The following STXBP5L variants were observed in gnomAD, a reference collection of about 807,000 sequenced individuals.
The protein encoded by STXBP5L is syntaxin binding protein 5L, also known as syntaxin-binding protein 5-like.
A neutral mutation model predicts 144.5 loss-of-function variants in STXBP5L; 65 were observed. The observed-to-expected ratio is 0.45, with a 90% CI of 0.37 to 0.55. STXBP5L has a LOEUF of 0.55. Ranked by LOEUF, STXBP5L falls within the 20% of genes least tolerant of loss-of-function variation. The probability of loss-of-function intolerance (pLI) is 0.00; values close to 1 mark genes in which losing one functional copy is unlikely to be tolerated. For synonymous variants in STXBP5L, 505 were observed against 469.6 expected (o/e 1.08, Z -0.97); for missense variants, 1,298 against 1,405.5 (o/e 0.92, Z 1.22).
chr3:121,084,822 T>C (rs1292088175), intron 5 of STXBP5L, among the ~76,000 whole-genome samples: 1 of 152,146 alleles, frequency 6.6e-6, no homozygotes, highest in African/African-American at 2.4e-5. Context: ...CTAATTTACA[T>C]TCCCACCAGC....
intron 18 of STXBP5L, among the ~76,000 whole-genome samples, chr3:121,270,684 C>T (rs2050709542): frequency 6.6e-6 from 1 of 152,130 alleles, no homozygotes; most frequent in South Asian, 2.1e-4. Context: ...AACTCCTGAC[C>T]TCATGTGATC....
chr3:121,132,507 T>C (rs1577032493), intron 7 of STXBP5L, among the ~76,000 whole-genome samples: 1 of 152,276 alleles, frequency 6.6e-6, no homozygotes, highest in East Asian at 1.9e-4. Context: ...AGAATCTCTG[T>C]CTAGGCCAAT....
intron 9 of STXBP5L, among the ~76,000 whole-genome samples, chr3:121,190,440 C>T (rs1214212755): frequency 6.6e-6 from 1 of 152,234 alleles, no homozygotes; most frequent in Non-Finnish European, 1.5e-5. Flanking sequence ...AATGGAGTCT[C>T]CTATGTCTAC....
chr3:120,978,824 G>T (rs186209602), intron 3 of STXBP5L, among the ~76,000 whole-genome samples: 11 of 152,324 alleles, frequency 7.2e-5, no homozygotes, highest in African/African-American at 2.4e-4. Context: ...GACCCTGTTT[G>T]CCTCGGTATC....
intron 3 of STXBP5L, among the ~76,000 whole-genome samples, chr3:120,963,318 T>A (rs756925045): frequency 2.6e-5 from 4 of 152,156 alleles, no homozygotes; most frequent in Non-Finnish European, 4.4e-5. Flanking sequence ...TTATGTTGAA[T>A]AGGAATAGTG....
chr3:121,007,748 A>G (rs550511232), intron 3 of STXBP5L, among the ~76,000 whole-genome samples: 2 of 152,110 alleles, frequency 1.3e-5, no homozygotes, highest in Admixed American at 1.3e-4. Flanking sequence ...TGAAGCTTGC[A>G]CTGCTTGTAG....
chr3:121,306,599 G>C (rs2043345233), intron 19 of STXBP5L, among the ~76,000 whole-genome samples: 1 of 152,140 alleles, frequency 6.6e-6, no homozygotes, highest in African/African-American at 2.4e-5. Context: ...AAAGTGACTA[G>C]CCTTATATGA....
intron 19 of STXBP5L, among the ~76,000 whole-genome samples, chr3:121,291,246 T>C (rs1201675714): frequency 6.6e-6 from 1 of 152,132 alleles, no homozygotes; most frequent in African/African-American, 2.4e-5. Context: ...AGCACTGCTA[T>C]ATACCAATAG....
At chr3:121,324,382 C>A (rs139556103) in intron 20 of STXBP5L, 5 of 549,204 alleles carry the variant, frequency 9.1e-6, no homozygotes, top group African/African-American at 5.8e-5. Flanking sequence ...ATACAAAATG[C>A]AGATCTTTCC....
At chr3:121,059,418 C>G (rs1006231444) in intron 5 of STXBP5L, among the ~76,000 whole-genome samples, 1 of 152,124 alleles carries the variant, frequency 6.6e-6, no homozygotes. Flanking sequence ...GTGCCTCCAG[C>G]TTTGTTCTTT....
chr3:121,347,615 G>C (rs1439219734), intron 20 of STXBP5L, among the ~76,000 whole-genome samples: 1 of 152,072 alleles, frequency 6.6e-6, no homozygotes, highest in Admixed American at 6.6e-5. Flanking sequence ...CCATTTCTTT[G>C]TATCCTCTTT....
chr3:121,031,793 G>T (rs541180106), intron 3 of STXBP5L, among the ~76,000 whole-genome samples: 12 of 152,236 alleles, frequency 7.9e-5, no homozygotes, highest in African/African-American at 2.9e-4. Flanking sequence ...AGATTTGATA[G>T]TAGCATTAAG....
intron 20 of STXBP5L, among the ~76,000 whole-genome samples, chr3:121,329,894 A>G (rs1292223386): frequency 7.0e-6 from 1 of 143,868 alleles, no homozygotes. Flanking sequence ...AGAAGAAACT[A>G]CTTGTCACAC....
chr3:121,068,219 A>C (rs1271478780), intron 5 of STXBP5L, among the ~76,000 whole-genome samples: 2 of 152,176 alleles, frequency 1.3e-5, no homozygotes, highest in Non-Finnish European at 2.9e-5. Flanking sequence ...CATGTTGGCC[A>C]TGATGGTCTC....
intron 19 of STXBP5L, 28 bp from the exon 20 acceptor site, chr3:121,318,447 A>C: frequency 6.6e-7 from 1 of 1,520,106 alleles, no homozygotes; most frequent in Non-Finnish European, 8.8e-7. Flanking sequence ...AGCAAAATTT[A>C]TCTCATTTTT....
intron 14 of STXBP5L, among the ~76,000 whole-genome samples, chr3:121,244,450 GGAGAGAGAGAGAGAGACAGA>G (rs1037882808): frequency 6.7e-6 from 1 of 150,318 alleles, no homozygotes; most frequent in Non-Finnish European, 1.5e-5. Context: ...GAAGGGGCGG[GGAGAGAGAGAGAGAGACAGA>G]GAGAGAGAGA....
chr3:121,403,656 G>A (rs1323871604), intron 22 of STXBP5L, among the ~76,000 whole-genome samples: 1 of 152,096 alleles, frequency 6.6e-6, no homozygotes, highest in Non-Finnish European at 1.5e-5. Flanking sequence ...GATAATATGT[G>A]TGATAAATAA....
At chr3:120,964,570 G>A (rs1032506844) in intron 3 of STXBP5L, among the ~76,000 whole-genome samples, 2 of 152,088 alleles carry the variant, frequency 1.3e-5, no homozygotes, top group East Asian at 1.9e-4. Flanking sequence ...GTTCCATGTG[G>A]TTGTGCGGTT....
At chr3:121,024,632 A>T (rs956241035) in intron 3 of STXBP5L, among the ~76,000 whole-genome samples, 3 of 152,198 alleles carry the variant, frequency 2.0e-5, no homozygotes, top group Non-Finnish European at 2.9e-5. Context: ...TACCATCAAT[A>T]ACATTTATAA....
Sources: gnomAD v4.1 joint callset for allele counts (sites outside exome capture counted in the v4.1 genomes callset) on GRCh38, gnomAD v4.1.1 for gene constraint, MANE v1.5 for transcripts, NCBI Gene and HGNC (gene_info 2026-07-23, HGNC 2026-07-21) for gene names.